The following EXOC6B variants were observed in gnomAD, a reference collection of about 807,000 sequenced individuals.
EXOC6B encodes SEC15 homolog B.
Under a neutral mutation model 113.5 loss-of-function variants are expected in EXOC6B, and 54 were observed. The ratio of observed to expected loss-of-function variants is 0.48; its 90% confidence interval spans 0.38 to 0.60. The LOEUF is 0.60. Among genes scored for constraint, EXOC6B ranks in the 20% least tolerant of loss-of-function variants. The probability of loss-of-function intolerance (pLI) is 0.00; values close to 1 mark genes in which losing one functional copy is unlikely to be tolerated. For missense variants in EXOC6B, 797 were observed against 977.5 expected (o/e 0.82, Z 2.46); for synonymous variants, 357 against 339.0 (o/e 1.05, Z -0.58).
At chr2:72,803,563 C>T (rs1396937617) in intron 1 of EXOC6B, among the ~76,000 whole-genome samples, 1 of 151,952 alleles carries the variant, frequency 6.6e-6, no homozygotes, top group Admixed American at 6.6e-5. Context: ...GAGCTCCTTT[C>T]TGCAAGGGAA....
intron 20 of EXOC6B, among the ~76,000 whole-genome samples, chr2:72,272,616 T>C (rs1278037444): frequency 1.3e-5 from 2 of 152,176 alleles, no homozygotes; most frequent in East Asian, 3.9e-4. Flanking sequence ...AAATTGCTTC[T>C]GTTACCTGCT....
At chr2:72,687,042 G>A (rs757572372) in intron 6 of EXOC6B, among the ~76,000 whole-genome samples, 6 of 151,812 alleles carry the variant, frequency 4.0e-5, no homozygotes, top group Non-Finnish European at 5.9e-5. Flanking sequence ...GGAGGCTGAG[G>A]CAGGAGAATT....
chr2:72,379,025 A>T (rs1426605332), intron 19 of EXOC6B, among the ~76,000 whole-genome samples: 10 of 152,152 alleles, frequency 6.6e-5, no homozygotes, highest in South Asian at 2.1e-4. Flanking sequence ...TTTGTCAGGG[A>T]TCTCCTCAAA....
rs367959741 is a variant in EXOC6B at position 72,717,537 on chromosome 2, T to G, written c.669+566A>C. On this transcript the variant is annotated intron_variant, in intron 6 of 21. Coordinates refer to ENST00000272427, the MANE Select transcript of EXOC6B (RefSeq NM_015189.3). ...AAAAAAGAAATTTAGATGTTCCTTG[T>G]GACTTTGGTGACTTAGGAATGAAGA... Among the ~76,000 whole-genome samples, 22 of 152,328 alleles carry G rather than the reference T, an allele frequency of 1.4e-4. 2 individuals carry two copies. Among genetic ancestry groups the G allele is most frequent in the African/African-American group, 4.6e-4 (19 of 41,590 alleles).
intron 6 of EXOC6B, among the ~76,000 whole-genome samples, chr2:72,668,452 A>G (rs1240790646): frequency 6.6e-6 from 1 of 152,058 alleles, no homozygotes; most frequent in Non-Finnish European, 1.5e-5. Flanking sequence ...CTACCAAAAA[A>G]AAAAAATGCA....
intron 21 of EXOC6B, chr2:72,182,978 G>C: frequency 3.6e-6 from 4 of 1,105,178 alleles, no homozygotes; most frequent in Non-Finnish European, 4.6e-6. Context: ...TCTCTGACGT[G>C]GTCAGGAGAA....
At chr2:72,374,299 G>T (rs1014710882) in intron 19 of EXOC6B, among the ~76,000 whole-genome samples, 76 of 152,124 alleles carry the variant, frequency 5.0e-4, no homozygotes, top group African/African-American at 1.8e-3. Flanking sequence ...TCCATCAACA[G>T]ATATATGGAG....
chr2:72,377,110 C>A (rs1691409282), intron 19 of EXOC6B, among the ~76,000 whole-genome samples: 1 of 152,080 alleles, frequency 6.6e-6, no homozygotes, highest in Non-Finnish European at 1.5e-5. Context: ...TGCTTGGAAT[C>A]ACTAATTATC....
intron 8 of EXOC6B, among the ~76,000 whole-genome samples, chr2:72,524,752 C>T (rs1008170705): frequency 9.2e-5 from 14 of 151,902 alleles, no homozygotes; most frequent in South Asian, 4.2e-4. Flanking sequence ...TAGTATGTAC[C>T]CACAAAAATT....
intron 6 of EXOC6B, among the ~76,000 whole-genome samples, chr2:72,671,021 G>A (rs1025268589): frequency 6.6e-6 from 1 of 151,998 alleles, no homozygotes; most frequent in Non-Finnish European, 1.5e-5. Context: ...AACTTAACAT[G>A]TACAAAATCA....
At chr2:72,599,500 G>A (rs1670276059) in intron 6 of EXOC6B, among the ~76,000 whole-genome samples, 1 of 152,154 alleles carries the variant, frequency 6.6e-6, no homozygotes, top group African/African-American at 2.4e-5. Context: ...ATACAAGGAT[G>A]TCACTTCTCA....
chr2:72,720,686 A>G (rs998741411), intron 5 of EXOC6B, among the ~76,000 whole-genome samples: 7 of 152,116 alleles, frequency 4.6e-5, no homozygotes, highest in Admixed American at 4.6e-4. Flanking sequence ...CCGGGTGGGC[A>G]GAGGTTGCAG....
intron 20 of EXOC6B, among the ~76,000 whole-genome samples, chr2:72,191,970 A>C (rs1015671142): frequency 6.6e-6 from 1 of 152,172 alleles, no homozygotes. Flanking sequence ...TACCCAAAAA[A>C]ACTCAGAAAA....
At chr2:72,492,255 G>T in intron 16 of EXOC6B, 63 bp downstream of exon 16, 1 of 908,396 alleles carries the variant, frequency 1.1e-6, no homozygotes, top group Non-Finnish European at 1.8e-6. Flanking sequence ...CAGACATAAG[G>T]CCCAGAGCTT....
intron 15 of EXOC6B, among the ~76,000 whole-genome samples, chr2:72,492,707 C>A (rs1342730454): frequency 6.6e-6 from 1 of 150,938 alleles, no homozygotes; most frequent in African/African-American, 2.4e-5. Context: ...GGATGTCACT[C>A]CATTTTCTCT....
intron 8 of EXOC6B, among the ~76,000 whole-genome samples, chr2:72,545,221 C>T (rs1449036171): frequency 6.6e-6 from 1 of 151,934 alleles, no homozygotes; most frequent in Non-Finnish European, 1.5e-5. Context: ...CTTTCACTGC[C>T]AGATCAATGG....
chr2:72,353,281 G>A (rs1384185348), intron 19 of EXOC6B, among the ~76,000 whole-genome samples: 2 of 150,526 alleles, frequency 1.3e-5, no homozygotes, highest in African/African-American at 5.0e-5. Flanking sequence ...ATTTATCCCT[G>A]AAAATGCTTC....
chr2:72,188,428 T>G (rs989539038), intron 20 of EXOC6B, among the ~76,000 whole-genome samples: 1 of 152,184 alleles, frequency 6.6e-6, no homozygotes, highest in Admixed American at 6.5e-5. Flanking sequence ...TCTGGGTCCA[T>G]GTTGCTTCCC....
At chr2:72,578,971 T>C (rs1027538071) in intron 6 of EXOC6B, among the ~76,000 whole-genome samples, 3 of 152,106 alleles carry the variant, frequency 2.0e-5, no homozygotes, top group African/African-American at 7.2e-5. Context: ...AGGGGAATAA[T>C]GGATCAGCTT....
Sources: allele counts gnomAD v4.1 joint callset (sites outside exome capture counted in the v4.1 genomes callset), GRCh38; gene constraint gnomAD v4.1.1; transcripts MANE v1.5; gene names NCBI Gene and HGNC (gene_info 2026-07-23, HGNC 2026-07-21).